Variants in UNC5D observed in about 807,000 individuals in gnomAD.
UNC5D encodes the protein netrin receptor UNC5D.
UNC5D carries 39 observed loss-of-function variants against 105.4 expected under a neutral mutation model. The ratio of observed to expected loss-of-function variants is 0.37; its 90% CI spans 0.29 to 0.48. The LOEUF (loss-of-function observed/expected upper bound fraction) is 0.48. Among genes scored for constraint, UNC5D ranks in the 20% least tolerant of loss-of-function variants. The pLI is 0.98. For synonymous variants in UNC5D, 452 were observed against 450.4 expected (o/e 1.00, Z -0.04); for missense variants, 991 against 1,202.4 (o/e 0.82, Z 2.60).
At chr8:35,442,812 A>G (rs906918515) in intron 1 of UNC5D, among the ~76,000 whole-genome samples, 2 of 151,522 alleles carry the variant, frequency 1.3e-5, no homozygotes, top group African/African-American at 4.8e-5. Context: ...TCAGACAAGT[A>G]ATTACCTTGG....
chr8:35,476,066 A>T (rs563073812), intron 1 of UNC5D, among the ~76,000 whole-genome samples: 1 of 152,334 alleles, frequency 6.6e-6, no homozygotes, highest in African/African-American at 2.4e-5. Context: ...CTCAATTAAC[A>T]ACATCTCTCG....
At chr8:35,650,730 C>G (rs1823354296) in intron 4 of UNC5D, among the ~76,000 whole-genome samples, 1 of 152,130 alleles carries the variant, frequency 6.6e-6, no homozygotes, top group African/African-American at 2.4e-5. Flanking sequence ...CCTCGGCCTC[C>G]CAAAGTGCTG....
At chr8:35,731,523 C>T (rs1383261287) in intron 11 of UNC5D, among the ~76,000 whole-genome samples, 1 of 147,638 alleles carries the variant, frequency 6.8e-6, no homozygotes, top group Non-Finnish European at 1.5e-5. Context: ...AGATCATGAA[C>T]TCCTTGACTC....
At chr8:35,697,626 A>G (rs1826880133) in intron 7 of UNC5D, among the ~76,000 whole-genome samples, 1 of 152,152 alleles carries the variant, frequency 6.6e-6, no homozygotes, top group Admixed American at 6.5e-5. Flanking sequence ...TGACTTTGTA[A>G]TATTTGTGAT....
At chr8:35,536,452 G>A (rs183653372) in intron 1 of UNC5D, among the ~76,000 whole-genome samples, 55 of 152,316 alleles carry the variant, frequency 3.6e-4, no homozygotes, top group African/African-American at 1.3e-3. Flanking sequence ...ATCTCATTAA[G>A]AAACTGAAAA....
chr8:35,544,542 C>G, intron 1 of UNC5D: 1 of 1,608,480 alleles, frequency 6.2e-7, no homozygotes, highest in Non-Finnish European at 8.5e-7. Flanking sequence ...CCAGGTAAGG[C>G]AGGAACAAAC....
intron 2 of UNC5D, among the ~76,000 whole-genome samples, chr8:35,552,012 G>A (rs1201630181): frequency 6.6e-6 from 1 of 152,110 alleles, no homozygotes; most frequent in African/African-American, 2.4e-5. Flanking sequence ...CTGAACTACT[G>A]TAGGATTGCA....
chr8:35,271,516 T>A (rs1302584366), intron 1 of UNC5D, among the ~76,000 whole-genome samples: 1 of 144,938 alleles, frequency 6.9e-6, no homozygotes, highest in African/African-American at 2.5e-5. Context: ...TATGTATACA[T>A]ATATGTATAC....
At chr8:35,368,368 C>T (rs1802250820) in intron 1 of UNC5D, among the ~76,000 whole-genome samples, 1 of 152,146 alleles carries the variant, frequency 6.6e-6, no homozygotes, top group Non-Finnish European at 1.5e-5. Context: ...CACCCACACA[C>T]ACACAGATAC....
intron 11 of UNC5D, among the ~76,000 whole-genome samples, chr8:35,737,688 T>TC (rs1163061428): frequency 6.6e-6 from 1 of 152,212 alleles, no homozygotes; most frequent in Non-Finnish European, 1.5e-5. Flanking sequence ...TCTTCTGCCT[T>TC]CCTTTGTTTT....
chr8:35,556,964 A>G (rs1187442836), intron 2 of UNC5D, among the ~76,000 whole-genome samples: 3 of 152,194 alleles, frequency 2.0e-5, no homozygotes, highest in Non-Finnish European at 4.4e-5. Flanking sequence ...GGTACAATAT[A>G]TGTCCTGACC....
chr8:35,407,632 CACCCAGGTCTTA>C (rs1427825578), intron 1 of UNC5D, among the ~76,000 whole-genome samples: 2 of 152,088 alleles, frequency 1.3e-5, no homozygotes, highest in Non-Finnish European at 2.9e-5. Flanking sequence ...ATTATTTCAT[CACCCAGGTCTTA>C]ACCCTAGTAC....
At chr8:35,556,815 C>G (rs1563532211) in intron 2 of UNC5D, among the ~76,000 whole-genome samples, 1 of 152,144 alleles carries the variant, frequency 6.6e-6, no homozygotes, top group Non-Finnish European at 1.5e-5. Flanking sequence ...CCCTAACCAC[C>G]AACATCTAGA....
intron 3 of UNC5D, among the ~76,000 whole-genome samples, chr8:35,568,523 T>C (rs1462637943): frequency 4.6e-5 from 7 of 152,298 alleles, no homozygotes; most frequent in Middle Eastern, 3.4e-3. Context: ...ACCCCATCTC[T>C]ACTAATAATA....
chr8:35,633,200 CG>C (rs1822149964), intron 4 of UNC5D, among the ~76,000 whole-genome samples: 1 of 152,148 alleles, frequency 6.6e-6, no homozygotes, highest in Non-Finnish European at 1.5e-5. Context: ...GGACTTCTTG[CG>C]TAAAAGGTTG....
chr8:35,323,188 CTTTTTTTTTTT>C (rs67076001), intron 1 of UNC5D, among the ~76,000 whole-genome samples: 1 of 125,924 alleles, frequency 7.9e-6, no homozygotes, highest in Non-Finnish European at 1.6e-5. Flanking sequence ...TTTTCTTTTT[CTTTTTTTTTTT>C]TTTTTTTTCA....
At chr8:35,759,598 A>G in intron 14 of UNC5D, 129 bp downstream of exon 14, 1 of 1,088,470 alleles carries the variant, frequency 9.2e-7, no homozygotes, top group Non-Finnish European at 1.3e-6. Flanking sequence ...AAACTGTCAC[A>G]GAAATGTAAC....
chr8:35,355,539 T>A (rs1801504451), intron 1 of UNC5D, among the ~76,000 whole-genome samples: 1 of 152,106 alleles, frequency 6.6e-6, no homozygotes, highest in South Asian at 2.1e-4. Flanking sequence ...TCCATCTTGG[T>A]GCATGTCAAG....
intron 1 of UNC5D, among the ~76,000 whole-genome samples, chr8:35,276,627 G>A (rs1289522508): frequency 6.6e-6 from 1 of 152,164 alleles, no homozygotes; most frequent in Non-Finnish European, 1.5e-5. Context: ...TCTGAGTTAT[G>A]ATATAATCTC....
Sources: allele counts gnomAD v4.1 joint callset (sites outside exome capture counted in the v4.1 genomes callset), GRCh38; gene constraint gnomAD v4.1.1; transcripts MANE v1.5; gene names NCBI Gene and HGNC (gene_info 2026-07-23, HGNC 2026-07-21).